ECPAS: variants seen among roughly 807,000 people sequenced by gnomAD.
ECPAS encodes the protein Ecm29 proteasome adaptor and scaffold.
Under a neutral mutation model 255.1 loss-of-function variants are expected in ECPAS, and 70 were observed. The ratio of observed to expected loss-of-function variants is 0.27; its 90% CI spans 0.23 to 0.33. ECPAS has a LOEUF of 0.33. Ranked by LOEUF, ECPAS falls within the 10% of genes least tolerant of loss-of-function variation. The pLI, the probability that ECPAS is intolerant of heterozygous loss-of-function variation, is 1.00. For missense variants in ECPAS, 1,817 were observed against 2,206.4 expected, an observed-to-expected ratio of 0.82 and a Z score of 3.54; for synonymous variants, 784 against 775.0, an observed-to-expected ratio of 1.01 and a Z score of -0.19.
intron 49 of ECPAS, 131 bp downstream of exon 49, chr9:111,363,457 G>C (rs1360152888): frequency 6.1e-6 from 3 of 490,762 alleles, no homozygotes; most frequent in Non-Finnish European, 1.1e-5. Context: ...CATTCTTCTT[G>C]CATGTGCATA....
rs2098129702 is a variant in ECPAS, at chr9:111,373,410, C to T, written c.4178-4G>A. The T allele has an allele frequency of 6.2e-7, 1 of 1,611,734 alleles. No individual in the cohort carries two copies. The highest frequency in any genetic ancestry group is 1.3e-5 in the African/African-American group (1 of 74,908). On this transcript the variant is annotated splice_polypyrimidine_tract_variant and splice_region_variant and intron_variant, in intron 39 of 49. Transcript: ENST00000684092. ...AGCAAAGCACTCATAAGTTTACCTA[C>T]CAGAAATAAAGAGAAAAAAATCTGA...
intron 16 of ECPAS, among the ~76,000 whole-genome samples, chr9:111,419,058 AG>A: frequency 6.6e-6 from 1 of 152,348 alleles, no homozygotes; most frequent in East Asian, 1.9e-4. Flanking sequence ...TACAACTTAT[AG>A]TAAAGAAAAT....
intron 21 of ECPAS, chr9:111,411,571 C>G (rs2098194478): frequency 5.7e-6 from 1 of 175,714 alleles, no homozygotes; most frequent in African/African-American, 2.4e-5. Flanking sequence ...CCTCCAAACA[C>G]AAGGTAACCA....
At chr9:111,414,925 C>T (rs531426087) in intron 18 of ECPAS, among the ~76,000 whole-genome samples, 1 of 152,178 alleles carries the variant, frequency 6.6e-6, no homozygotes, top group South Asian at 2.1e-4. Flanking sequence ...AGCAAACTAA[C>T]GCAGGAACAG....
intron 1 of ECPAS, among the ~76,000 whole-genome samples, chr9:111,482,668 A>C (rs1284579454): frequency 6.6e-6 from 1 of 152,000 alleles, no homozygotes; most frequent in Non-Finnish European, 1.5e-5. Context: ...AAAAAGGGAA[A>C]GAAAGAAAAC....
At chr9:111,463,023 A>G (rs763023988) in intron 2 of ECPAS, among the ~76,000 whole-genome samples, 1 of 152,136 alleles carries the variant, frequency 6.6e-6, no homozygotes, top group Non-Finnish European at 1.5e-5. Flanking sequence ...TGATACTACA[A>G]GTGTGAGCCA....
intron 1 of ECPAS, 97 bp downstream of exon 1, chr9:111,484,019 G>A: frequency 9.7e-7 from 1 of 1,032,790 alleles, no homozygotes; most frequent in East Asian, 8.8e-5. Flanking sequence ...CTCCCCGCGC[G>A]GACTCGACAC....
chr9:111,463,249 C>T (rs540784530), intron 2 of ECPAS, among the ~76,000 whole-genome samples: 1 of 152,328 alleles, frequency 6.6e-6, no homozygotes, highest in East Asian at 1.9e-4. Flanking sequence ...ATCCTTCTGG[C>T]TCAATTCAAC....
At position 111,411,050 on chromosome 9, in the gene ECPAS, T is replaced by C; in HGVS notation, c.2307A>G (p.Gln769=). The C allele has an allele frequency of 6.2e-7, 1 of 1,614,000 alleles. No homozygotes were observed. Among genetic ancestry groups the C allele is most frequent in the African/African-American group, 1.3e-5 (1 of 75,068 alleles). The change falls in exon 22 of 50, where the codon CAA becomes CAG. Residue 769 remains glutamine, a synonymous_variant. Coordinates refer to ENST00000684092, the MANE Select transcript of ECPAS (RefSeq NM_001364929.1). ...AKKKMRMSEQ[Q]DLERNADTLP... is the part of the protein sequence containing the mutation. ...GGGTGTCAGCATTTCTCTCCAGGTC[T>C]TGTTGCTCTGACATTCTCATTTTCT...
At position 111,363,574 on chromosome 9, in the gene ECPAS, TAAC is replaced by T. The variant is rs2098116645; in HGVS notation, c.5380+11_5380+13del. On this transcript the variant is annotated intron_variant, in intron 49 of 49. Coordinates refer to ENST00000684092, the MANE Select transcript of ECPAS (RefSeq NM_001364929.1). ...GGCTTTATGGTCCCCCAGTCAGAAC[TAAC>T]AACAACTTACCTTCAAGTTTTTTAA... is the stretch of plus-strand genomic sequence containing the variant. The T allele has an allele frequency of 1.3e-6, 2 of 1,528,916 alleles. No individual in the cohort carries two copies. The highest frequency in any genetic ancestry group is 1.4e-5 in the African/African-American group (1 of 72,458). The allele number at this position is 1,528,916 out of a possible 1,614,324, so 94.7% of individuals were successfully genotyped here. A position where few individuals can be genotyped will look rare whatever the true frequency, so the allele number is the denominator to read the frequency against.
chr9:111,385,756 T>A (rs143977551), intron 32 of ECPAS, among the ~76,000 whole-genome samples: 12 of 152,358 alleles, frequency 7.9e-5, no homozygotes, highest in African/African-American at 2.9e-4. Flanking sequence ...ATCTAACTTG[T>A]ATACAGAAAT....
intron 2 of ECPAS, among the ~76,000 whole-genome samples, chr9:111,469,824 G>A (rs954224314): frequency 3.3e-5 from 5 of 151,340 alleles, no homozygotes; most frequent in Admixed American, 6.6e-5. Context: ...AAAAAAAGAC[G>A]CCATCTCAAA....
At chr9:111,402,837 A>T (rs779070873) in intron 24 of ECPAS, among the ~76,000 whole-genome samples, 3 of 152,210 alleles carry the variant, frequency 2.0e-5, no homozygotes, top group Non-Finnish European at 4.4e-5. Context: ...AAAAATAAAA[A>T]GTAAAACATA....
intron 25 of ECPAS, 119 bp downstream of exon 25, chr9:111,396,911 A>C (rs1194503076): frequency 2.3e-6 from 3 of 1,314,322 alleles, no homozygotes; most frequent in Non-Finnish European, 3.2e-6. Flanking sequence ...TTGGTAAAAC[A>C]GATATAAATA....
chr9:111,410,078 A>G lies in ECPAS; in HGVS notation c.2513T>C (p.Leu838Ser). Residue 838 changes from leucine (L) to serine (S), a missense_variant, in exon 23 of 50, where the codon TTA (leucine) becomes TCA (serine). This residue lies in a region of ECPAS where 194 missense variants were observed against 152.8 expected (regional missense o/e 1.27). Transcript: ENST00000684092. The part of the protein sequence containing the change: ...GFTKLHLVES[L>S]LSRIPSSKET... The stretch of plus-strand genomic sequence containing the variant: ...TTTACTGGAAGGTATTCTACTTAGT[A>G]AGCTTTCTACAAGATGCAATTTGGT... 6.3e-7 allele frequency: 1 copy of G among 1,583,494 alleles called. No individual in the cohort carries two copies. The highest frequency in any genetic ancestry group is 8.6e-7 in the Non-Finnish European group (1 of 1,163,928).
chr9:111,422,358 C>A (rs567984434), intron 13 of ECPAS, among the ~76,000 whole-genome samples, 158 bp from the exon 14 acceptor site: 31 of 152,332 alleles, frequency 2.0e-4, no homozygotes, highest in Non-Finnish European at 4.1e-4. Context: ...GTATTTAATT[C>A]TTTAATCCAA....
At chr9:111,388,160 A>T (rs1333903928) in intron 31 of ECPAS, among the ~76,000 whole-genome samples, 1 of 151,916 alleles carries the variant, frequency 6.6e-6, no homozygotes, top group East Asian at 1.9e-4. Flanking sequence ...TGTTATCCTT[A>T]CTTACATGTA....
intron 24 of ECPAS, among the ~76,000 whole-genome samples, chr9:111,400,363 G>A (rs1408618635): frequency 2.0e-5 from 3 of 152,190 alleles, no homozygotes; most frequent in African/African-American, 4.8e-5. Context: ...AAACACTGAC[G>A]AATGTTCACA....
chr9:111,432,874 CT>C lies in ECPAS; in HGVS notation c.848+358del, dbSNP rs1205871219. Among the ~76,000 whole-genome samples, 3 of 152,204 alleles carry C rather than the reference CT, an allele frequency of 2.0e-5. No homozygotes were observed. In the East Asian group the frequency reaches 5.8e-4, roughly 29 times the overall value. On this transcript the variant is annotated intron_variant, in intron 8 of 49. Transcript: ENST00000684092. The stretch of plus-strand genomic sequence containing the variant: ...GTATTAACCATAATACATACATAGT[CT>C]TTATTAAAAGTAATCTCGAATGGTT...
Sources: allele counts gnomAD v4.1 joint callset (sites outside exome capture counted in the v4.1 genomes callset), GRCh38; gene constraint gnomAD v4.1.1; regional missense constraint gnomAD v4.1.1; transcripts MANE v1.5; gene names NCBI Gene and HGNC (gene_info 2026-07-23, HGNC 2026-07-21).